The following MSRA variants were observed in gnomAD, a reference collection of about 807,000 sequenced individuals.
MSRA encodes the protein mitochondrial peptide methionine sulfoxide reductase.
Under a neutral mutation model 31.3 loss-of-function variants are expected in MSRA, and 54 were observed. That is an observed-to-expected ratio of 1.73 (90% CI 1.39 to 2.17). The LOEUF (loss-of-function observed/expected upper bound fraction) is 2.17, where lower values mean the gene tolerates loss of function less well. Among genes scored for constraint, MSRA ranks in the 30% most tolerant of loss-of-function variants. The probability of loss-of-function intolerance (pLI) is 0.00; values close to 1 mark genes in which losing one functional copy is unlikely to be tolerated. For missense variants in MSRA, 507 were observed against 300.9 expected, an observed-to-expected ratio of 1.69 and a Z score of -5.07; for synonymous variants, 169 against 116.5, an observed-to-expected ratio of 1.45 and a Z score of -2.90.
intron 4 of MSRA, among the ~76,000 whole-genome samples, chr8:10,308,656 C>G (rs566102974): frequency 6.6e-6 from 1 of 152,346 alleles, no homozygotes; most frequent in Admixed American, 6.5e-5. Context: ...TTGGCTCATA[C>G]CACAGTTCTC....
chr8:10,276,289 G>T (rs893312385), intron 3 of MSRA, among the ~76,000 whole-genome samples: 1 of 152,202 alleles, frequency 6.6e-6, no homozygotes, highest in Non-Finnish European at 1.5e-5. Flanking sequence ...GCCACCCAGC[G>T]AGAGTTGGTT....
chr8:10,120,494 C>T (rs895454497), intron 1 of MSRA, among the ~76,000 whole-genome samples: 2 of 152,164 alleles, frequency 1.3e-5, no homozygotes, highest in African/African-American at 4.8e-5. Flanking sequence ...CAGTCACTTC[C>T]AAAATACTAA....
chr8:10,195,533 G>T (rs913026382), intron 1 of MSRA, among the ~76,000 whole-genome samples: 1 of 152,176 alleles, frequency 6.6e-6, no homozygotes, highest in African/African-American at 2.4e-5. Context: ...GAGCCACCGT[G>T]CCTGGCCTAA....
intron 3 of MSRA, among the ~76,000 whole-genome samples, chr8:10,265,771 C>T (rs1798715381): frequency 1.3e-5 from 2 of 152,246 alleles, no homozygotes; most frequent in Admixed American, 1.3e-4. Context: ...GCCTTCCTCA[C>T]CCCGCAGCCC....
chr8:10,397,129 G>A (rs878881791), intron 5 of MSRA, among the ~76,000 whole-genome samples: 1 of 152,202 alleles, frequency 6.6e-6, no homozygotes, highest in Non-Finnish European at 1.5e-5. Flanking sequence ...TGATCCGCAG[G>A]TGTGGGCTTC....
In MSRA at chr8:10,054,535, A is replaced by G. The variant is rs1802177057; in HGVS notation, c.19A>G (p.Arg7Gly). The change falls in exon 1 of 6, where the codon AGG becomes GGG. Residue 7 changes from arginine (R) to glycine (G), a missense_variant. Arg to Gly is a moderately radical substitution (Grantham distance 125, BLOSUM62 -2). Coordinates refer to ENST00000317173, the MANE Select transcript of MSRA (RefSeq NM_012331.5). ...CCCTCCCATGCTCTCGGCCACCCGGAGGGCTTGCCAGCTCCTCCTCCTCCA... is the reference window on the plus strand; with the variant it reads ...CCCTCCCATGCTCTCGGCCACCCGGGGGGCTTGCCAGCTCCTCCTCCTCCA... MLSATR[R>G]ACQLLLLHSL... 2 of 1,584,626 alleles carry G rather than the reference A, an allele frequency of 1.3e-6. No homozygotes were observed. Among genetic ancestry groups the G allele is most frequent in the African/African-American group, 1.4e-5 (1 of 71,970 alleles).
intron 5 of MSRA, among the ~76,000 whole-genome samples, chr8:10,394,362 C>T (rs1054461432): frequency 8.5e-5 from 13 of 152,292 alleles, no homozygotes; most frequent in African/African-American, 2.2e-4. Flanking sequence ...AAACAGAGTT[C>T]CCTAGCCACC....
At chr8:10,166,205 T>C (rs561116701) in intron 1 of MSRA, among the ~76,000 whole-genome samples, 58 of 152,266 alleles carry the variant, frequency 3.8e-4, no homozygotes, top group Admixed American at 9.2e-4. Flanking sequence ...GTGACAGGCT[T>C]CTTTAGAAGT....
chr8:10,319,601 A>G (rs1325135826), intron 4 of MSRA, among the ~76,000 whole-genome samples: 2 of 151,680 alleles, frequency 1.3e-5, no homozygotes, highest in African/African-American at 4.8e-5. Context: ...ATTTCATGTA[A>G]AAGTATGTAT....
chr8:10,091,992 A>G (rs1171333401), intron 1 of MSRA, among the ~76,000 whole-genome samples: 2 of 152,062 alleles, frequency 1.3e-5, no homozygotes, highest in Non-Finnish European at 2.9e-5. Flanking sequence ...AATGGTGTAG[A>G]TGGTTCCCTT....
intron 1 of MSRA, among the ~76,000 whole-genome samples, chr8:10,077,572 C>T (rs181933014): frequency 6.7e-6 from 1 of 148,672 alleles, no homozygotes; most frequent in East Asian, 2.0e-4. Context: ...ACCCTCCCTC[C>T]TGAGTCTCTC....
chr8:10,190,254 C>G (rs186795877), intron 1 of MSRA, among the ~76,000 whole-genome samples: 2 of 152,288 alleles, frequency 1.3e-5, no homozygotes, highest in Admixed American at 6.5e-5. Flanking sequence ...AGAACTCAGT[C>G]TCTGCGACCT....
chr8:10,351,994 G>C (rs1804180480), intron 5 of MSRA, among the ~76,000 whole-genome samples: 2 of 152,214 alleles, frequency 1.3e-5, no homozygotes, highest in Admixed American at 1.3e-4. Flanking sequence ...AGAAAGTTAT[G>C]ACTTTAATGT....
rs1234041014 is a variant in MSRA, at chr8:10,360,737, T to C, written c.543+40748T>C. On this transcript the variant is annotated intron_variant, in intron 5 of 5. Transcript: ENST00000317173. ...CTTTTTGCAGTTTATTTGGAAGATA[T>C]TCATTTGGGCGACAGGGATGTACTG... Among the ~76,000 whole-genome samples the C allele has an allele frequency of 2.0e-5, 3 of 152,218 alleles. No homozygotes were observed. In the East Asian group the frequency reaches 5.8e-4, roughly 29 times the overall value.
At chr8:10,335,543 AC>A (rs1402323766) in intron 5 of MSRA, among the ~76,000 whole-genome samples, 1 of 151,940 alleles carries the variant, frequency 6.6e-6, no homozygotes, top group Non-Finnish European at 1.5e-5. Flanking sequence ...TCTTGTCCTG[AC>A]CCCGTGGCCT....
chr8:10,060,018 A>G (rs1306716290), intron 1 of MSRA, among the ~76,000 whole-genome samples: 1 of 152,194 alleles, frequency 6.6e-6, no homozygotes, highest in African/African-American at 2.4e-5. Flanking sequence ...GCAAGAGTAT[A>G]AATTGGCTCA....
At chr8:10,416,317 A>G (rs1290516135) in intron 5 of MSRA, among the ~76,000 whole-genome samples, 3 of 152,182 alleles carry the variant, frequency 2.0e-5, no homozygotes, top group Non-Finnish European at 4.4e-5. Context: ...CTTCACAGAG[A>G]AATCTGCTCG....
chr8:10,348,763 T>C (rs1554535368), intron 5 of MSRA, among the ~76,000 whole-genome samples: 4 of 152,126 alleles, frequency 2.6e-5, no homozygotes, highest in Non-Finnish European at 5.9e-5. Flanking sequence ...CACGTCATAC[T>C]GGAAAGAGGG....
intron 1 of MSRA, among the ~76,000 whole-genome samples, chr8:10,151,350 T>C (rs999521896): frequency 3.4e-5 from 5 of 146,090 alleles, no homozygotes; most frequent in Non-Finnish European, 3.0e-5. Context: ...GGACAGGAAA[T>C]AGAGAACAGC....
Sources: allele counts gnomAD v4.1 joint callset (sites outside exome capture counted in the v4.1 genomes callset), GRCh38; gene constraint gnomAD v4.1.1; transcripts MANE v1.5; gene names NCBI Gene and HGNC (gene_info 2026-07-23, HGNC 2026-07-21).